TMEM87B: variants seen among roughly 807,000 people sequenced by gnomAD.
The protein encoded by TMEM87B is transmembrane protein 87B.
In TMEM87B, 83 loss-of-function variants were observed where a neutral mutation model predicts 80.3. The ratio of observed to expected loss-of-function variants is 1.03; its 90% CI spans 0.87 to 1.24. TMEM87B has a LOEUF of 1.24. TMEM87B is among the 50% of genes most tolerant of loss of function. The pLI is 0.00. For missense variants in TMEM87B, 625 were observed against 674.4 expected (o/e 0.93, Z 0.81); for synonymous variants, 219 against 230.5 (o/e 0.95, Z 0.45).
chr2:112,075,575 C>T (rs1678789151), intron 5 of TMEM87B, among the ~76,000 whole-genome samples: 1 of 152,092 alleles, frequency 6.6e-6, no homozygotes, highest in Admixed American at 6.5e-5. Context: ...CTGTGCGTGT[C>T]ATTAAGGATT....
Position 112,091,694 on chromosome 2 carries a change from CTTATTT to C in TMEM87B, c.1033-13_1033-8del. The C allele has an allele frequency of 6.3e-7, 1 of 1,588,950 alleles. No individual in the cohort carries two copies. The highest frequency in any genetic ancestry group is 8.6e-7 in the Non-Finnish European group (1 of 1,161,104). ...AAAGTGTTACATTCAGGTTTCTTCC[CTTATTT>C]TTATCTTTCAGGGTTCTAACCATTT... On this transcript the variant is annotated splice_polypyrimidine_tract_variant and intron_variant, in intron 10 of 18. Coordinates refer to ENST00000283206, the MANE Select transcript of TMEM87B (RefSeq NM_032824.3).
In TMEM87B at chr2:112,066,926, C is replaced by A. The variant is rs1490008007; in HGVS notation, c.319-10C>A. ...GAATAAATTATAACATAGAATTTTA[C>A]CTTATATAGGAGCTGTTCCAAAAAC... is the stretch of plus-strand genomic sequence containing the variant. On this transcript the variant is annotated splice_polypyrimidine_tract_variant and intron_variant, in intron 3 of 18. Coordinates refer to ENST00000283206, the MANE Select transcript of TMEM87B (RefSeq NM_032824.3). The A allele has an allele frequency of 1.3e-6, 2 of 1,566,574 alleles. No homozygotes were observed. Among genetic ancestry groups the A allele is most frequent in the Non-Finnish European group, 1.7e-6 (2 of 1,162,040 alleles).
intron 8 of TMEM87B, 32 bp from the exon 9 acceptor site, chr2:112,085,973 A>G (rs1291790741): frequency 1.3e-6 from 2 of 1,593,464 alleles, no homozygotes; most frequent in Middle Eastern, 1.7e-4. Context: ...AGGTGTAGAC[A>G]AAGTGAATTA....
At chr2:112,070,400 C>A (rs555912150) in intron 4 of TMEM87B, among the ~76,000 whole-genome samples, 1 of 152,290 alleles carries the variant, frequency 6.6e-6, no homozygotes, top group South Asian at 2.1e-4. Context: ...TATGGCTAGC[C>A]AGTTATCCCA....
exon 19 of TMEM87B, chr2:112,119,310 TTGAA>T (rs540594494): frequency 6.6e-6 from 1 of 152,212 alleles, no homozygotes; most frequent in Non-Finnish European, 1.5e-5. Context: ...TGCTCTGAAT[TTGAA>T]TGATTGATTC....
chr2:112,112,082 C>A (rs748182883), intron 17 of TMEM87B, among the ~76,000 whole-genome samples: 20 of 152,152 alleles, frequency 1.3e-4, no homozygotes, highest in Non-Finnish European at 2.8e-4. Flanking sequence ...AGTCTCCTGG[C>A]CCTCCTGGCT....
At chr2:112,099,519 A>G (rs1443596032) in intron 14 of TMEM87B, among the ~76,000 whole-genome samples, 2 of 114,576 alleles carry the variant, frequency 1.7e-5, no homozygotes, top group African/African-American at 3.7e-5. Flanking sequence ...AAATTATACA[A>G]TAATACATAT....
At position 112,106,615 on chromosome 2, in the gene TMEM87B, T is replaced by C. The variant is rs1473983039; in HGVS notation, c.1524+540T>C. Among the ~76,000 whole-genome samples, 7 of 151,964 alleles carry C rather than the reference T, an allele frequency of 4.6e-5. No homozygotes were observed. In the East Asian group the frequency reaches 1.2e-3, roughly 25 times the overall value. On this transcript the variant is annotated intron_variant, in intron 16 of 18. Transcript: ENST00000283206. ...GAAGCTTGAATAAAATTGTAAAACA[T>C]TGGGCAGAGATGAGCTAAAAAATAT... is the stretch of plus-strand genomic sequence containing the variant.
In TMEM87B at chr2:112,116,147, G is replaced by A. The variant is rs1680018335; in HGVS notation, c.*4G>A. On this transcript the variant is annotated 3_prime_UTR_variant, in exon 19 of 19. Transcript: ENST00000283206. ...CTCTTCAGAAAAGATAATGTGATTG[G>A]AACCCGTATAAGAAATGTAGTTAAG... The A allele has an allele frequency of 6.2e-7, 1 of 1,611,130 alleles. No homozygotes were observed. Among genetic ancestry groups the A allele is most frequent in the Non-Finnish European group, 8.5e-7 (1 of 1,178,472 alleles).
rs142151936 is a variant in TMEM87B, at chr2:112,098,709, T to C, written c.1376+11T>C. 1.5e-5 allele frequency: 24 copies of C among 1,611,984 alleles called. No individual in the cohort carries two copies. Among genetic ancestry groups the C allele is most frequent in the Middle Eastern group, 1.7e-4 (1 of 6,060 alleles). The stretch of plus-strand genomic sequence containing the variant: ...AGCAAACAATCAGAGGTACCTAACA[T>C]AGGAAATTTCAAGTCGTCAAGGATT... On this transcript the variant is annotated intron_variant, in intron 14 of 18. Transcript: ENST00000283206.
Position 112,085,996 on chromosome 2 carries a change from C to A in TMEM87B, c.839-9C>A. 4 of 1,608,594 alleles carry A rather than the reference C, an allele frequency of 2.5e-6. No individual in the cohort carries two copies. The highest frequency in any genetic ancestry group is 3.4e-6 in the Non-Finnish European group (4 of 1,177,796). On this transcript the variant is annotated splice_polypyrimidine_tract_variant and intron_variant, in intron 8 of 18. Transcript: ENST00000283206. The stretch of plus-strand genomic sequence containing the variant: ...ACAAAGTGAATTATTTTATTTTTTT[C>A]TTCCTCAGCCCAAGGCTTATTGATA...
intron 18 of TMEM87B, among the ~76,000 whole-genome samples, chr2:112,113,634 AT>A (rs1679979448): frequency 2.0e-5 from 3 of 151,970 alleles, no homozygotes; most frequent in African/African-American, 7.3e-5. Context: ...CTACAGAAAG[AT>A]GTAGCATTAC....
chr2:112,056,193 G>A (rs1347563754), intron 1 of TMEM87B, among the ~76,000 whole-genome samples: 1 of 151,590 alleles, frequency 6.6e-6, no homozygotes, highest in African/African-American at 2.4e-5. Flanking sequence ...TTCAGTTTCT[G>A]CATAAACTTA....
At chr2:112,111,977 G>T (rs1309243778) in intron 17 of TMEM87B, among the ~76,000 whole-genome samples, 1 of 152,108 alleles carries the variant, frequency 6.6e-6, no homozygotes, top group Non-Finnish European at 1.5e-5. Flanking sequence ...ACTGCCTTCT[G>T]GTTCACCTTT....
intron 17 of TMEM87B, among the ~76,000 whole-genome samples, chr2:112,108,466 G>T (rs1231999287): frequency 6.6e-6 from 1 of 152,152 alleles, no homozygotes; most frequent in Non-Finnish European, 1.5e-5. Context: ...AGGTATGCTG[G>T]TAGTGAATCT....
chr2:112,072,064 C>T (rs1160363301), intron 4 of TMEM87B, among the ~76,000 whole-genome samples: 3 of 152,164 alleles, frequency 2.0e-5, no homozygotes, highest in African/African-American at 4.8e-5. Flanking sequence ...CTTTAATTCT[C>T]TTTATGTAAT....
intron 8 of TMEM87B, among the ~76,000 whole-genome samples, chr2:112,085,413 C>G (rs1037655601): frequency 1.3e-5 from 2 of 152,064 alleles, no homozygotes; most frequent in African/African-American, 2.4e-5. Flanking sequence ...GTCACTTTTT[C>G]TGAGTTTTTC....
chr2:112,055,883 C>T (rs750745186), intron 1 of TMEM87B, 127 bp downstream of exon 1: 40 of 1,222,242 alleles, frequency 3.3e-5, no homozygotes, highest in African/African-American at 6.4e-5. Flanking sequence ...CTGATACCCT[C>T]CCTGAGCCTT....
rs540354116 is a variant in TMEM87B at position 112,085,921 on chromosome 2, T to C, written c.839-84T>C. On this transcript the variant is annotated intron_variant, in intron 8 of 18. Transcript: ENST00000283206. ...TTGGTCTGAAGTTCGAATGTAGTTA[T>C]ACACAGGACATGTTGTTGAGAATCT... is the stretch of plus-strand genomic sequence containing the variant. 274 of 1,096,318 alleles carry C rather than the reference T, an allele frequency of 2.5e-4. 1 individual carries two copies. Among genetic ancestry groups the C allele is most frequent in the South Asian group, 4.0e-4 (28 of 69,320 alleles). 67.9% of individuals were successfully genotyped at this position (1,096,318 alleles called of 1,614,324 possible). A position where few individuals can be genotyped will look rare whatever the true frequency, so the allele number is the denominator to read the frequency against.
Sources: allele counts gnomAD v4.1 joint callset (sites outside exome capture counted in the v4.1 genomes callset), GRCh38; gene constraint gnomAD v4.1.1; transcripts MANE v1.5; gene names NCBI Gene and HGNC (gene_info 2026-07-23, HGNC 2026-07-21).